GALP: variants seen among roughly 807,000 people sequenced by gnomAD.
GALP encodes the protein galanin-like peptide.
In GALP, 12 loss-of-function variants were observed where a neutral mutation model predicts 15.2. The ratio of observed to expected loss-of-function variants is 0.79; its 90% CI spans 0.51 to 1.28. The LOEUF is 1.28. Among genes scored for constraint, GALP ranks in the 50% most tolerant of loss-of-function variants. The probability of loss-of-function intolerance (pLI) is 0.00; values close to 1 mark genes in which losing one functional copy is unlikely to be tolerated. For synonymous variants in GALP, 58 were observed against 55.1 expected, an observed-to-expected ratio of 1.05 and a Z score of -0.23; for missense variants, 161 against 145.6, an observed-to-expected ratio of 1.11 and a Z score of -0.55.
At position 56,185,544 on chromosome 19, in the gene GALP, T is replaced by C; in HGVS notation, c.*274T>C. On this transcript the variant is annotated 3_prime_UTR_variant, in exon 6 of 6. Coordinates refer to ENST00000357330, the MANE Select transcript of GALP (RefSeq NM_033106.4). ...TTCTGGGGTAATCAGGGAATATTCC[T>C]GCAACACATTTAAAGGAATTGTGTT... The C allele has an allele frequency of 3.3e-6, 1 of 304,006 alleles. No homozygotes were observed. Among genetic ancestry groups the C allele is most frequent in the East Asian group, 6.2e-5 (1 of 16,216 alleles). The allele number at this position is 304,006 out of a possible 1,614,324, so 18.8% of individuals were successfully genotyped here.
At chr19:56,180,778 C>G in intron 3 of GALP, 144 bp downstream of exon 3, 1 of 684,014 alleles carries the variant, frequency 1.5e-6, no homozygotes, top group South Asian at 1.7e-5. Context: ...GAGGGTTAGT[C>G]TAAGCAGAGC....
rs767371769 is a variant in GALP at position 56,177,071 on chromosome 19, G to A, written c.-38G>A. ...TGACTGGCCGCTCTCTCCTTGCAGC[G>A]TGTTCCGCAGCTGTAGGCACCTGTC... is the stretch of plus-strand genomic sequence containing the variant. On this transcript the variant is annotated splice_region_variant and 5_prime_UTR_variant, in exon 2 of 6. The change creates a new upstream start codon in the 5' untranslated region. Coordinates refer to ENST00000357330, the MANE Select transcript of GALP (RefSeq NM_033106.4). 11 of 1,511,942 alleles carry A rather than the reference G, an allele frequency of 7.3e-6. No homozygotes were observed. The highest frequency in any genetic ancestry group is 1.7e-4 in the Middle Eastern group (1 of 5,916). The allele number at this position is 1,511,942 out of a possible 1,614,324, so 93.7% of individuals were successfully genotyped here.
Position 56,185,198 on chromosome 19 carries a change from CTCTT to C in GALP, c.296-10_296-7del. The C allele has an allele frequency of 6.3e-7, 1 of 1,578,638 alleles. No homozygotes were observed. Among genetic ancestry groups the C allele is most frequent in the Non-Finnish European group, 8.7e-7 (1 of 1,149,652 alleles). The stretch of plus-strand genomic sequence containing the variant: ...GTGAGAAAAACCATTCAAAGTTTAC[CTCTT>C]TCTTTCCCACAGATCTGGGCATGCT... On this transcript the variant is annotated splice_polypyrimidine_tract_variant and intron_variant, in intron 5 of 5. Transcript: ENST00000357330.
At chr19:56,181,178 T>C (rs188115380) in intron 3 of GALP, among the ~76,000 whole-genome samples, 1 of 151,630 alleles carries the variant, frequency 6.6e-6, no homozygotes, top group Admixed American at 6.6e-5. Context: ...TCCACTTACT[T>C]TTGGCCTCCC....
In GALP at chr19:56,183,220, C is replaced by A; in HGVS notation, c.295+8C>A. ...CCAAACCAGAGATTGGAGGTAAAGC[C>A]AGGAAACACAGAAGAGAGACACCGA... On this transcript the variant is annotated splice_region_variant and intron_variant, in intron 5 of 5. Coordinates refer to ENST00000357330, the MANE Select transcript of GALP (RefSeq NM_033106.4). 1 of 1,604,936 alleles carries A rather than the reference C, an allele frequency of 6.2e-7. No homozygotes were observed. Among genetic ancestry groups the A allele is most frequent in the Non-Finnish European group, 8.5e-7 (1 of 1,171,664 alleles).
At chr19:56,178,187 G>A (rs1399129337) in intron 2 of GALP, among the ~76,000 whole-genome samples, 1 of 150,930 alleles carries the variant, frequency 6.6e-6, no homozygotes, top group Non-Finnish European at 1.5e-5. Flanking sequence ...AAAGAGGCCA[G>A]TCCCAGTGGC....
intron 2 of GALP, among the ~76,000 whole-genome samples, chr19:56,177,709 G>C (rs1285597272): frequency 6.6e-6 from 1 of 152,130 alleles, no homozygotes; most frequent in Non-Finnish European, 1.5e-5. Flanking sequence ...ATGGGCTGTA[G>C]AGGCTGGGTT....
At chr19:56,178,492 A>C (rs1216606764) in intron 2 of GALP, among the ~76,000 whole-genome samples, 1 of 147,494 alleles carries the variant, frequency 6.8e-6, no homozygotes, top group African/African-American at 2.6e-5. Context: ...AAAAGAAAAG[A>C]AAAAGAAAAG....
intron 3 of GALP, among the ~76,000 whole-genome samples, 188 bp downstream of exon 3, chr19:56,180,822 G>A (rs1201189037): frequency 6.6e-6 from 1 of 151,560 alleles, no homozygotes; most frequent in Non-Finnish European, 1.5e-5. Context: ...CAGAGCCTTG[G>A]GCCCAAATCC....
rs570556760 is a variant in GALP at position 56,185,386 on chromosome 19, A to T, written c.*116A>T. Reference sequence around the variant, plus strand: ...TCCTGAAGTTAAATACCCAGGTCTCATGAAGACATTGTAAAGCATTTGAAT... The same window carrying T: ...TCCTGAAGTTAAATACCCAGGTCTCTTGAAGACATTGTAAAGCATTTGAAT... On this transcript the variant is annotated 3_prime_UTR_variant, in exon 6 of 6. Transcript: ENST00000357330. The T allele has an allele frequency of 6.6e-5, 39 of 591,996 alleles. No individual in the cohort carries two copies. Among genetic ancestry groups the T allele is most frequent in the Non-Finnish European group, 1.1e-4 (38 of 339,238 alleles). The allele number at this position is 591,996 out of a possible 1,614,324, so 36.7% of individuals were successfully genotyped here. A position where few individuals can be genotyped will look rare whatever the true frequency, so the allele number is the denominator to read the frequency against.
At chr19:56,179,644 T>C (rs1268319271) in intron 2 of GALP, among the ~76,000 whole-genome samples, 2 of 149,886 alleles carry the variant, frequency 1.3e-5, no homozygotes, top group African/African-American at 2.5e-5. Context: ...GCCTCTCTTT[T>C]TTTTTTTTTT....
intron 3 of GALP, among the ~76,000 whole-genome samples, chr19:56,180,949 G>A (rs570511022): frequency 1.7e-4 from 20 of 117,612 alleles, no homozygotes; most frequent in African/African-American, 5.1e-4. Context: ...ACAGAGTCTC[G>A]CTCTGTTGCC....
chr19:56,176,696 A>AGCTGCACCGGG (rs1172417543), intron 1 of GALP, among the ~76,000 whole-genome samples: 1 of 112,448 alleles, frequency 8.9e-6, no homozygotes. Context: ...AGAGGGGTGG[A>AGCTGCACCGGG]GGGAGTGAGG....
chr19:56,185,270 G>C lies in GALP; in HGVS notation c.351G>C (p.Ter117TyrextTer32), dbSNP rs761730631. 5.7e-6 allele frequency: 9 copies of C among 1,586,330 alleles called. No homozygotes were observed. The highest frequency in any genetic ancestry group is 7.8e-6 in the Non-Finnish European group (9 of 1,155,664). ...IPKEEDVLKS[*>Y] ...AGGAGGAAGATGTCCTGAAGTCATA[G>C]ATGTCTTCAAATCCCTGTTCCTATC... Residue 117 changes from the stop codon to tyrosine (Y), a stop_lost, in exon 6 of 6, where the codon TAG (stop) becomes TAC (tyrosine). Coordinates refer to ENST00000357330, the MANE Select transcript of GALP (RefSeq NM_033106.4).
intron 5 of GALP, 55 bp downstream of exon 5, chr19:56,183,267 G>C (rs2032597688): frequency 7.2e-7 from 1 of 1,392,542 alleles, no homozygotes; most frequent in East Asian, 2.3e-5. Flanking sequence ...GAACAAGGAA[G>C]TGGCAGGCAG....
At chr19:56,177,716 G>T (rs1164319632) in intron 2 of GALP, among the ~76,000 whole-genome samples, 1 of 152,050 alleles carries the variant, frequency 6.6e-6, no homozygotes, top group Non-Finnish European at 1.5e-5. Flanking sequence ...GTAGAGGCTG[G>T]GTTGAGTTTG....
chr19:56,178,480 AGAAAAGAAAAG>A (rs1376711670), intron 2 of GALP, among the ~76,000 whole-genome samples: 1 of 149,278 alleles, frequency 6.7e-6, no homozygotes, highest in African/African-American at 2.5e-5. Flanking sequence ...AACAAAAACA[AGAAAAGAAAAG>A]AAAAAGAAAA....
chr19:56,178,666 T>C lies in GALP; in HGVS notation c.87+1471T>C, dbSNP rs145387539. Among the ~76,000 whole-genome samples the C allele has an allele frequency of 1.8e-3, 267 of 152,196 alleles. 1 individual carries two copies. The highest frequency in any genetic ancestry group is 6.1e-3 in the African/African-American group (253 of 41,536). On this transcript the variant is annotated intron_variant, in intron 2 of 5. Coordinates refer to ENST00000357330, the MANE Select transcript of GALP (RefSeq NM_033106.4). ...CCTTTTTTTCTATATAACTAAGGGA[T>C]AACGGAATCCATCCTATAGGGATGT...
intron 2 of GALP, among the ~76,000 whole-genome samples, chr19:56,179,553 C>T (rs1688458702): frequency 1.3e-5 from 2 of 151,200 alleles, no homozygotes; most frequent in South Asian, 2.1e-4. Flanking sequence ...CTCCTGACCT[C>T]GTGATCCGCC....
Sources: allele counts gnomAD v4.1 joint callset (sites outside exome capture counted in the v4.1 genomes callset), GRCh38; gene constraint gnomAD v4.1.1; transcripts MANE v1.5; gene names NCBI Gene and HGNC (gene_info 2026-07-23, HGNC 2026-07-21).